TOX3: variants seen among roughly 807,000 people sequenced by gnomAD.
TOX3 encodes the protein CAG trinucleotide repeat-containing gene F9 protein.
Under a neutral mutation model 64.3 loss-of-function variants are expected in TOX3, and 22 were observed. That is an observed-to-expected ratio of 0.34 (90% CI 0.24 to 0.49). TOX3 has a LOEUF of 0.49. Among genes scored for constraint, TOX3 ranks in the 20% least tolerant of loss-of-function variants. The pLI, the probability that TOX3 is intolerant of heterozygous loss-of-function variation, is 0.99. For missense variants in TOX3, 661 were observed against 714.4 expected (o/e 0.93, Z 0.85); for synonymous variants, 291 against 273.6 (o/e 1.06, Z -0.63).
intron 1 of TOX3, among the ~76,000 whole-genome samples, chr16:52,516,159 A>T (rs548200251): frequency 1.5e-4 from 23 of 152,320 alleles, no homozygotes; most frequent in Admixed American, 9.8e-4. Flanking sequence ...AATGGTAATG[A>T]ATATTAATAC....
Position 52,439,116 on chromosome 16 carries a change from T to C in TOX3, c.*109A>G. On this transcript the variant is annotated 3_prime_UTR_variant, in exon 7 of 7. Coordinates refer to ENST00000219746, the MANE Select transcript of TOX3 (RefSeq NM_001080430.4). ...ACACTTGAGAGGACCGTTTGATCTG[T>C]TACACATTTCTGCATAACCAACACC... 2.0e-6 allele frequency: 3 copies of C among 1,508,400 alleles called. No individual in the cohort carries two copies. Among genetic ancestry groups the C allele is most frequent in the Non-Finnish European group, 2.7e-6 (3 of 1,107,042 alleles). 93.4% of individuals were successfully genotyped at this position (1,508,400 alleles called of 1,614,324 possible).
At chr16:52,446,443 C>T (rs941654204) in intron 4 of TOX3, among the ~76,000 whole-genome samples, 10 of 152,152 alleles carry the variant, frequency 6.6e-5, no homozygotes, top group African/African-American at 1.2e-4. Context: ...ATCTTCAATA[C>T]GTTCACAACA....
intron 1 of TOX3, among the ~76,000 whole-genome samples, chr16:52,481,272 T>A (rs1019689229): frequency 1.3e-5 from 2 of 152,224 alleles, no homozygotes; most frequent in African/African-American, 2.4e-5. Context: ...TATCAACTAG[T>A]AGGTTCTCAG....
chr16:52,458,932 T>A (rs1960607752), intron 3 of TOX3, among the ~76,000 whole-genome samples: 2 of 152,004 alleles, frequency 1.3e-5, no homozygotes, highest in Admixed American at 6.6e-5. Context: ...TCAGATTGAA[T>A]CTCTGTAATT....
intron 2 of TOX3, among the ~76,000 whole-genome samples, chr16:52,466,942 C>G (rs538923000): frequency 6.6e-6 from 1 of 152,268 alleles, no homozygotes; most frequent in South Asian, 2.1e-4. Flanking sequence ...CAAAAAGACA[C>G]ACTGACTTTG....
At chr16:52,445,749 C>A in intron 5 of TOX3, 1 of 443,508 alleles carries the variant, frequency 2.3e-6, no homozygotes, top group Non-Finnish European at 4.0e-6. Flanking sequence ...CAGGATACTG[C>A]CTGGATTTCT....
chr16:52,504,913 C>T (rs35668161), intron 1 of TOX3, among the ~76,000 whole-genome samples: 2 of 151,984 alleles, frequency 1.3e-5, no homozygotes, highest in Non-Finnish European at 2.9e-5. Flanking sequence ...TGGCTCACTG[C>T]AACCTCTGCC....
intron 1 of TOX3, among the ~76,000 whole-genome samples, chr16:52,519,219 A>G (rs1188892613): frequency 6.6e-6 from 1 of 152,208 alleles, no homozygotes; most frequent in African/African-American, 2.4e-5. Flanking sequence ...GTTTAAAGCC[A>G]CTGAAACTGA....
At chr16:52,472,259 G>A (rs566506277) in intron 1 of TOX3, among the ~76,000 whole-genome samples, 13 of 152,228 alleles carry the variant, frequency 8.5e-5, no homozygotes, top group East Asian at 5.8e-4. Flanking sequence ...AAAAGATGAC[G>A]AATTTTCTAC....
chr16:52,452,585 C>T (rs146218440), intron 3 of TOX3, among the ~76,000 whole-genome samples: 2,182 of 151,298 alleles, frequency 0.014, 35 homozygotes, highest in African/African-American at 0.039. Flanking sequence ...TGCTAAATGA[C>T]GAGTTAATGG....
Position 52,464,047 on chromosome 16 carries a change from C to T in TOX3, c.295G>A (p.Gly99Arg). Residue 99 changes from glycine (G) to arginine (R), a missense_variant, in exon 3 of 7, where the codon GGA becomes AGA. Coordinates refer to ENST00000219746, the MANE Select transcript of TOX3 (RefSeq NM_001080430.4). ...QALSDPLPSQ[G>R]SEFTPQFPPQ... is the part of the protein sequence containing the mutation. ...GGAAACTGGGGTGTGAATTCACTTC[C>T]CTGGGAAGGCAATGGATCGCTGAGG... 1 of 1,602,730 alleles carries T rather than the reference C, an allele frequency of 6.2e-7. No homozygotes were observed. Among genetic ancestry groups the T allele is most frequent in the Non-Finnish European group, 8.5e-7 (1 of 1,174,996 alleles).
intron 1 of TOX3, among the ~76,000 whole-genome samples, chr16:52,518,182 T>C (rs1011375943): frequency 6.6e-6 from 1 of 152,196 alleles, no homozygotes; most frequent in Non-Finnish European, 1.5e-5. Flanking sequence ...AGAACTGAAA[T>C]TGATATCTTT....
chr16:52,485,271 T>TATATATATAC (rs1438971784), intron 1 of TOX3, among the ~76,000 whole-genome samples: 15 of 145,584 alleles, frequency 1.0e-4, no homozygotes, highest in African/African-American at 2.3e-4. Context: ...TATATATATA[T>TATATATATAC]ACATATCTCC....
intron 1 of TOX3, among the ~76,000 whole-genome samples, chr16:52,510,997 T>A (rs1259751069): frequency 6.6e-6 from 1 of 151,976 alleles, no homozygotes; most frequent in South Asian, 2.1e-4. Context: ...AAAATCAAGA[T>A]CCACTGGAAC....
rs77637093 is a variant in TOX3, at chr16:52,436,491, G to A, written c.*2734C>T. On this transcript the variant is annotated 3_prime_UTR_variant, in exon 7 of 7. Coordinates refer to ENST00000219746, the MANE Select transcript of TOX3 (RefSeq NM_001080430.4). ...GCACCAAGTACTTACTTAAGTCTCA[G>A]GAATAGAAACCAGTCATATGTATAA... 4.3e-4 allele frequency among the ~76,000 whole-genome samples: 66 copies of A among 152,128 alleles called. 1 individual carries two copies. In the East Asian group the frequency reaches 9.8e-3, roughly 23 times the overall value.
intron 3 of TOX3, among the ~76,000 whole-genome samples, chr16:52,454,976 G>T (rs1960474539): frequency 6.6e-6 from 1 of 152,094 alleles, no homozygotes; most frequent in Non-Finnish European, 1.5e-5. Flanking sequence ...ATGTGATTTT[G>T]TTAATATTAC....
At position 52,439,487 on chromosome 16, in the gene TOX3, AGGTGCTGCTGCATGT is replaced by A; in HGVS notation, c.1454_1468del (p.His485_His489del). 13 of 1,408,596 alleles carry A rather than the reference AGGTGCTGCTGCATGT, an allele frequency of 9.2e-6. No individual in the cohort carries two copies. The highest frequency in any genetic ancestry group is 1.3e-5 in the Non-Finnish European group (13 of 1,017,460). The allele number at this position is 1,408,596 out of a possible 1,614,324, so 87.3% of individuals were successfully genotyped here. On this transcript the variant is annotated inframe_deletion, in exon 7 of 7. Coordinates refer to ENST00000219746, the MANE Select transcript of TOX3 (RefSeq NM_001080430.4). ...CTGGAGATGCTGCTGCTGCTGCTGC[AGGTGCTGCTGCATGT>A]GGTGCTGGAAATGCTGCTGCTGCAT...
At chr16:52,527,823 C>G (rs1388371069) in intron 1 of TOX3, among the ~76,000 whole-genome samples, 1 of 152,176 alleles carries the variant, frequency 6.6e-6, no homozygotes, top group Non-Finnish European at 1.5e-5. Context: ...ATGACAGAAC[C>G]AGAAAGTTTT....
intron 1 of TOX3, among the ~76,000 whole-genome samples, chr16:52,511,966 A>G (rs910201723): frequency 4.5e-4 from 68 of 152,354 alleles, no homozygotes; most frequent in African/African-American, 1.6e-3. Context: ...AGAGGGCAAG[A>G]GAACTTGGAA....
Sources: gnomAD v4.1 joint callset for allele counts (sites outside exome capture counted in the v4.1 genomes callset) on GRCh38, gnomAD v4.1.1 for gene constraint, MANE v1.5 for transcripts, NCBI Gene and HGNC (gene_info 2026-07-23, HGNC 2026-07-21) for gene names.